The following PCDHGA12 variants were observed in gnomAD, a reference collection of about 807,000 sequenced individuals.
PCDHGA12 encodes the protein protocadherin gamma subfamily A, 12.
A neutral mutation model predicts 61.1 loss-of-function variants in PCDHGA12; 43 were observed. That is an observed-to-expected ratio of 0.70 (90% CI 0.55 to 0.91). The LOEUF is 0.91. PCDHGA12 is among the 40% of genes least tolerant of loss of function. The probability of loss-of-function intolerance (pLI) is 0.00; values close to 1 mark genes in which losing one functional copy is unlikely to be tolerated. For synonymous variants in PCDHGA12, 520 were observed against 542.9 expected (o/e 0.96, Z 0.59); for missense variants, 1,236 against 1,227.7 (o/e 1.01, Z -0.10).
intron 1 of PCDHGA12, chr5:141,468,330 C>CAAAAAA (rs533390277): frequency 1.3e-5 from 1 of 79,878 alleles, no homozygotes. Context: ...AACTCCATCT[C>CAAAAAA]AAAAAAAAAA....
chr5:141,461,864 C>T (rs911351082), intron 1 of PCDHGA12, among the ~76,000 whole-genome samples: 5 of 151,900 alleles, frequency 3.3e-5, no homozygotes, highest in African/African-American at 9.7e-5. Context: ...GCTCTTGTTG[C>T]CCAGGCTGGA....
At chr5:141,502,400 C>T (rs964923206) in intron 2 of PCDHGA12, among the ~76,000 whole-genome samples, 2 of 151,748 alleles carry the variant, frequency 1.3e-5, no homozygotes, top group African/African-American at 4.8e-5. Flanking sequence ...AAAATGTCCC[C>T]GAACCTGGAT....
rs773899530 is a variant in PCDHGA12 at position 141,494,864 on chromosome 5, G to A, written c.2482G>A (p.Gly828Ser). 1.6e-5 allele frequency: 26 copies of A among 1,613,950 alleles called. No individual in the cohort carries two copies. The Admixed American group carries it at 3.5e-4, about 22-fold the overall frequency. Reference protein sequence around the residue: ...FSQAQRPGTSGSQNGDDTGTW... With the variant: ...FSQAQRPGTSSSQNGDDTGTW... ...TCAGGCCCAGAGACCCGGCACCAGC[G>A]GGTAGGTGACTGATTCTCCAGCCCA... Residue 828 changes from glycine to serine, a missense_variant and splice_region_variant, in exon 2 of 4, where the codon GGC (glycine) becomes AGC (serine). Gly to Ser is a moderately conservative substitution (Grantham distance 56, BLOSUM62 0). Coordinates refer to ENST00000252085, the MANE Select transcript of PCDHGA12 (RefSeq NM_003735.3).
intron 1 of PCDHGA12, among the ~76,000 whole-genome samples, chr5:141,480,874 G>A (rs1487409799): frequency 2.6e-5 from 4 of 151,950 alleles, no homozygotes; most frequent in African/African-American, 7.3e-5. Context: ...GTGAAACCCC[G>A]TCTCTACTAA....
chr5:141,486,654 T>C lies in PCDHGA12; in HGVS notation c.2425-8153T>C. ...TTGAATGCGCTTATCTCCTACTCAC[T>C]CCTGGAGCCCAGGAATCGAGATGTA... is the stretch of plus-strand genomic sequence containing the variant. On this transcript the variant is annotated intron_variant, in intron 1 of 3. Coordinates refer to ENST00000252085, the MANE Select transcript of PCDHGA12 (RefSeq NM_003735.3). The surrounding 1 kb of genome is among the most constrained non-coding windows in gnomAD (Gnocchi z 5.0). The C allele has an allele frequency of 2.5e-6, 4 of 1,613,922 alleles. No individual in the cohort carries two copies. Among genetic ancestry groups the C allele is most frequent in the Non-Finnish European group, 3.4e-6 (4 of 1,180,026 alleles).
At chr5:141,471,217 T>G (rs2099252724) in intron 1 of PCDHGA12, 1 of 151,568 alleles carries the variant, frequency 6.6e-6, no homozygotes, top group South Asian at 2.1e-4. Context: ...GCCTGGCAAT[T>G]TTTTTGTATT....
In PCDHGA12 at chr5:141,476,737, G is replaced by A. The variant is rs1420138912; in HGVS notation, c.2425-18070G>A. ...AGCGCGCCCTGGACCGAGAACGGGA[G>A]CCTAGTCTCCAGTTAGTGCTGACGG... is the stretch of plus-strand genomic sequence containing the variant. On this transcript the variant is annotated intron_variant, in intron 1 of 3. Coordinates refer to ENST00000252085, the MANE Select transcript of PCDHGA12 (RefSeq NM_003735.3). This position sits in a 1 kb window ranked among gnomAD's most constrained non-coding sequence, Gnocchi z 7.6. The A allele has an allele frequency of 3.1e-6, 5 of 1,613,982 alleles. No individual in the cohort carries two copies. Among genetic ancestry groups the A allele is most frequent in the Non-Finnish European group, 4.2e-6 (5 of 1,180,038 alleles).
intron 1 of PCDHGA12, among the ~76,000 whole-genome samples, chr5:141,448,378 A>G (rs1288817591): frequency 6.6e-6 from 1 of 152,154 alleles, no homozygotes; most frequent in East Asian, 1.9e-4. Context: ...ATTTTTGAAT[A>G]GGAAATACAT....
intron 1 of PCDHGA12, chr5:141,492,007 C>T (rs1261430567): frequency 3.0e-5 from 19 of 628,956 alleles, no homozygotes; most frequent in Non-Finnish European, 4.6e-5. Flanking sequence ...GCGATTTCCG[C>T]GGGTGTCGGG....
At chr5:141,484,155 T>G (rs2099592564) in intron 1 of PCDHGA12, among the ~76,000 whole-genome samples, 1 of 152,224 alleles carries the variant, frequency 6.6e-6, no homozygotes, top group Non-Finnish European at 1.5e-5. Context: ...GTAGGCACAA[T>G]GCTGTTGGTA....
intron 2 of PCDHGA12, among the ~76,000 whole-genome samples, chr5:141,500,125 T>C (rs1367341826): frequency 2.0e-5 from 3 of 151,970 alleles, no homozygotes; most frequent in African/African-American, 4.8e-5. Flanking sequence ...CCTTTTCATA[T>C]ATATCTTTCT....
intron 1 of PCDHGA12, among the ~76,000 whole-genome samples, chr5:141,470,055 G>A (rs1432696943): frequency 1.3e-5 from 2 of 152,192 alleles, no homozygotes; most frequent in Non-Finnish European, 1.5e-5. Context: ...TTTGAACCCC[G>A]GAGGCAGAGA....
At chr5:141,445,767 T>C (rs2098476828) in intron 1 of PCDHGA12, among the ~76,000 whole-genome samples, 1 of 152,142 alleles carries the variant, frequency 6.6e-6, no homozygotes, top group African/African-American at 2.4e-5. Flanking sequence ...ACTCAAGCAA[T>C]TTAAAAGGGC....
Position 141,491,797 on chromosome 5 carries a change from G to C in PCDHGA12, c.2425-3010G>C, listed in dbSNP as rs537755017. The C allele has an allele frequency of 7.9e-5, 119 of 1,506,700 alleles. No homozygotes were observed. In the Admixed American group the frequency reaches 1.4e-3, roughly 18 times the overall value. 93.3% of individuals were successfully genotyped at this position (1,506,700 alleles called of 1,614,324 possible). On this transcript the variant is annotated intron_variant, in intron 1 of 3. Coordinates refer to ENST00000252085, the MANE Select transcript of PCDHGA12 (RefSeq NM_003735.3). The surrounding 1 kb of genome is among the most constrained non-coding windows in gnomAD (Gnocchi z 6.9). The stretch of plus-strand genomic sequence containing the variant: ...ATTGAACTTGCATCCACTCCTCTCC[G>C]GCCGGCTTGGTCGCTGGCTGCGCTC...
chr5:141,450,052 G>C (rs2098667259), intron 1 of PCDHGA12, among the ~76,000 whole-genome samples: 1 of 141,832 alleles, frequency 7.1e-6, no homozygotes, highest in African/African-American at 2.7e-5. Flanking sequence ...TTTCGCCCAG[G>C]CTGGAATGCA....
At chr5:141,462,980 G>T (rs1249102130) in intron 1 of PCDHGA12, among the ~76,000 whole-genome samples, 1 of 152,006 alleles carries the variant, frequency 6.6e-6, no homozygotes, top group Non-Finnish European at 1.5e-5. Flanking sequence ...AGTAACTTTT[G>T]CCTTGGGCTA....
In PCDHGA12 at chr5:141,485,735, G is replaced by A; in HGVS notation, c.2425-9072G>A. 6.2e-7 allele frequency: 1 copy of A among 1,614,166 alleles called. No homozygotes were observed. The highest frequency in any genetic ancestry group is 8.5e-7 in the Non-Finnish European group (1 of 1,180,036). On this transcript the variant is annotated intron_variant, in intron 1 of 3. Coordinates refer to ENST00000252085, the MANE Select transcript of PCDHGA12 (RefSeq NM_003735.3). The surrounding 1 kb of genome is among the most constrained non-coding windows in gnomAD (Gnocchi z 5.7). Reference sequence around the variant, plus strand: ...ACTGGATGTGAAGAAGCGCAGCGACGGCAGCCTGGTCCCAGAGCTGCTCCT... The same window carrying A: ...ACTGGATGTGAAGAAGCGCAGCGACAGCAGCCTGGTCCCAGAGCTGCTCCT...
chr5:141,489,804 G>A lies in PCDHGA12; in HGVS notation c.2425-5003G>A, dbSNP rs2099692572. 1 of 1,614,056 alleles carries A rather than the reference G, an allele frequency of 6.2e-7. No homozygotes were observed. The highest frequency in any genetic ancestry group is 1.3e-5 in the African/African-American group (1 of 74,932). ...TGAATGTGAAGACCCTAAAAGATGG[G>A]AAGCCATTCCCAGAGCTGGTGCTAG... On this transcript the variant is annotated intron_variant, in intron 1 of 3. Transcript: ENST00000252085. The surrounding 1 kb of genome is among the most constrained non-coding windows in gnomAD (Gnocchi z 4.5).
intron 1 of PCDHGA12, among the ~76,000 whole-genome samples, chr5:141,481,063 C>T (rs2154578481): frequency 6.6e-6 from 1 of 151,952 alleles, no homozygotes; most frequent in Middle Eastern, 3.4e-3. Context: ...ACCTCAAAAA[C>T]AAAAAGAAAG....
Sources: gnomAD v4.1 joint callset for allele counts (sites outside exome capture counted in the v4.1 genomes callset) on GRCh38, gnomAD v4.1.1 for gene constraint, Gnocchi (gnomAD v3.1) non-coding constraint, MANE v1.5 for transcripts, NCBI Gene and HGNC (gene_info 2026-07-23, HGNC 2026-07-21) for gene names.